Variants in SVIL observed in about 807,000 individuals in gnomAD.
SVIL encodes archvillin.
SVIL carries 101 observed loss-of-function variants against 240.4 expected under a neutral mutation model. That is an observed-to-expected ratio of 0.42 (90% CI 0.36 to 0.50). SVIL has a LOEUF of 0.50. SVIL is among the 20% of genes least tolerant of loss of function. The pLI is 0.01. For synonymous variants in SVIL, 999 were observed against 1,100.0 expected (o/e 0.91, Z 1.82); for missense variants, 2,512 against 2,818.7 (o/e 0.89, Z 2.46).
At chr10:29,731,254 G>A (rs1029454892) in intron 1 of SVIL, among the ~76,000 whole-genome samples, 1 of 152,142 alleles carries the variant, frequency 6.6e-6, no homozygotes, top group Non-Finnish European at 1.5e-5. Flanking sequence ...CATCTTTATA[G>A]GTTTCCCAGG....
At chr10:29,458,991 ATT>A (rs34388233) in intron 36 of SVIL, among the ~76,000 whole-genome samples, 57 of 123,954 alleles carry the variant, frequency 4.6e-4, no homozygotes, top group African/African-American at 1.2e-3. Flanking sequence ...TTCCTTTTCC[ATT>A]TTTTTTTTTT....
At chr10:29,625,525 G>A (rs1490784122) in intron 1 of SVIL, among the ~76,000 whole-genome samples, 6 of 152,040 alleles carry the variant, frequency 3.9e-5, no homozygotes, top group South Asian at 2.1e-4. Context: ...GTGCAGCGGC[G>A]CGATCTCTGC....
chr10:29,662,532 C>T (rs541417306), intron 2 of SVIL, among the ~76,000 whole-genome samples: 2 of 152,294 alleles, frequency 1.3e-5, no homozygotes, highest in African/African-American at 4.8e-5. Context: ...GCACAGTGAC[C>T]TGCAGACATC....
intron 18 of SVIL, among the ~76,000 whole-genome samples, chr10:29,498,233 A>G (rs1948610715): frequency 6.6e-6 from 1 of 151,966 alleles, no homozygotes; most frequent in Middle Eastern, 3.2e-3. Context: ...CCTGGCCCAC[A>G]TGGTGAAACT....
At chr10:29,490,741 T>C in intron 22 of SVIL, 106 bp downstream of exon 22, 1 of 1,403,154 alleles carries the variant, frequency 7.1e-7, no homozygotes, top group Non-Finnish European at 9.8e-7. Context: ...GAGGGTCTTC[T>C]GAGCACCATT....
chr10:29,647,906 A>G (rs1422446657), intron 3 of SVIL, among the ~76,000 whole-genome samples: 3 of 149,466 alleles, frequency 2.0e-5, no homozygotes, highest in Non-Finnish European at 3.0e-5. Flanking sequence ...AACCCCCTAC[A>G]TTTTTTACTT....
At chr10:29,614,568 A>G (rs1056418421) in intron 1 of SVIL, among the ~76,000 whole-genome samples, 18 of 152,310 alleles carry the variant, frequency 1.2e-4, no homozygotes, top group Admixed American at 8.5e-4. Context: ...GGAACAGAAA[A>G]CCAAACACCA....
At chr10:29,650,064 C>T (rs559897929) in intron 3 of SVIL, among the ~76,000 whole-genome samples, 58 of 152,318 alleles carry the variant, frequency 3.8e-4, no homozygotes, top group African/African-American at 1.4e-3. Flanking sequence ...GCCATCAGAA[C>T]CATGAGCCAA....
At chr10:29,621,696 G>C (rs12769440) in intron 1 of SVIL, among the ~76,000 whole-genome samples, 6,816 of 152,332 alleles carry the variant, frequency 0.045, 210 homozygotes, top group Non-Finnish European at 0.07. Flanking sequence ...TCCACGACCT[G>C]GGGGTCTGGC....
At chr10:29,470,607 G>A (rs576846873) in intron 31 of SVIL, 124 bp from the exon 32 acceptor site, 1 of 1,071,794 alleles carries the variant, frequency 9.3e-7, no homozygotes, top group East Asian at 2.6e-5. Flanking sequence ...GGGACTTAGG[G>A]GACTGGAGGG....
At chr10:29,476,497 G>C (rs1946208917) in intron 29 of SVIL, among the ~76,000 whole-genome samples, 1 of 152,012 alleles carries the variant, frequency 6.6e-6, no homozygotes, top group African/African-American at 2.4e-5. Context: ...ACTGCACCTG[G>C]GCTCAAGTGA....
At chr10:29,664,454 G>A (rs986043901) in intron 2 of SVIL, among the ~76,000 whole-genome samples, 1 of 152,006 alleles carries the variant, frequency 6.6e-6, no homozygotes, top group South Asian at 2.1e-4. Flanking sequence ...CAAGCTCAGC[G>A]ACCTCTCCCT....
At chr10:29,656,547 C>T (rs564955923) in intron 3 of SVIL, among the ~76,000 whole-genome samples, 1 of 152,176 alleles carries the variant, frequency 6.6e-6, no homozygotes, top group African/African-American at 2.4e-5. Flanking sequence ...ATCTGAGATC[C>T]TTCCTCAGGA....
Position 29,729,453 on chromosome 10 carries a change from GT to G in SVIL, c.-400+6297del, listed in dbSNP as rs1564368896. On this transcript the variant is annotated intron_variant, in intron 1 of 35. Coordinates refer to the SVIL transcript ENST00000375400. ...GCTGGGCCTCTGTGTTTATGGAGGT[GT>G]GTGTGTGTGTGTGTGTGTGTGTGTG... Among the ~76,000 whole-genome samples, 189 of 20,110 alleles carry G rather than the reference GT, an allele frequency of 9.4e-3. 1 individual carries two copies. The highest frequency in any genetic ancestry group is 0.016 in the Admixed American group (15 of 936). The allele number at this position is 20,110 out of a possible 152,430, so 13.2% of individuals were successfully genotyped here.
At chr10:29,527,157 A>T in intron 12 of SVIL, 101 bp from the exon 13 acceptor site, 1 of 1,065,940 alleles carries the variant, frequency 9.4e-7, no homozygotes, top group South Asian at 1.5e-5. Flanking sequence ...TAAATCAAAA[A>T]TTTTAACAGA....
Position 29,681,797 on chromosome 10 carries a change from C to T in SVIL, c.-301+4756G>A, listed in dbSNP as rs538492584. On this transcript the variant is annotated intron_variant, in intron 2 of 35. Transcript: ENST00000375400. ...GCTACAAACCACACTAGGCACATTG[C>T]AATAAGGCTTGCTGCTTCTGCGCTT... is the stretch of plus-strand genomic sequence containing the variant. Among the ~76,000 whole-genome samples the T allele has an allele frequency of 6.6e-5, 10 of 152,280 alleles. No individual in the cohort carries two copies. In the South Asian group the frequency reaches 1.9e-3, roughly 28 times the overall value.
chr10:29,543,927 G>A (rs1362807839), intron 6 of SVIL, among the ~76,000 whole-genome samples: 1 of 152,188 alleles, frequency 6.6e-6, no homozygotes, highest in Non-Finnish European at 1.5e-5. Context: ...AGGAAGTGGT[G>A]ACTTTAGGTG....
At position 29,458,189 on chromosome 10, in the gene SVIL, TC is replaced by T. The variant is rs1943771446; in HGVS notation, c.*57del. The T allele has an allele frequency of 4.0e-6, 6 of 1,512,118 alleles. No homozygotes were observed. Among genetic ancestry groups the T allele is most frequent in the Admixed American group, 3.9e-5 (2 of 50,756 alleles). The allele number at this position is 1,512,118 out of a possible 1,614,324, so 93.7% of individuals were successfully genotyped here. The stretch of plus-strand genomic sequence containing the variant: ...ACCAGTCCAAAAATATATATCCATT[TC>T]CCTGGTGCAGTGGTGTTGTTGGACG... On this transcript the variant is annotated 3_prime_UTR_variant, in exon 38 of 38. Transcript: ENST00000355867.
intron 1 of SVIL, among the ~76,000 whole-genome samples, chr10:29,687,955 A>G (rs1195491191): frequency 6.6e-6 from 1 of 152,178 alleles, no homozygotes; most frequent in Non-Finnish European, 1.5e-5. Flanking sequence ...TTCTTGCCCA[A>G]TAACCGCCCT....
Sources: allele counts gnomAD v4.1 joint callset (sites outside exome capture counted in the v4.1 genomes callset), GRCh38; gene constraint gnomAD v4.1.1; transcripts MANE v1.5; gene names NCBI Gene and HGNC (gene_info 2026-07-23, HGNC 2026-07-21).